The following UBE2E2 variants were observed in gnomAD, a reference collection of about 807,000 sequenced individuals.
The protein encoded by UBE2E2 is ubiquitin conjugating enzyme E2 E2, also known as ubiquitin-conjugating enzyme E2 E2.
A neutral mutation model predicts 24.7 loss-of-function variants in UBE2E2; 6 were observed. The ratio of observed to expected loss-of-function variants is 0.24; its 90% CI spans 0.13 to 0.48. UBE2E2 has a LOEUF of 0.48. Among genes scored for constraint, UBE2E2 ranks in the 20% least tolerant of loss-of-function variants. UBE2E2 has a pLI of 0.99. For missense variants in UBE2E2, 169 were observed against 245.0 expected (o/e 0.69, Z 2.07); for synonymous variants, 104 against 83.6 (o/e 1.24, Z -1.33).
At chr3:23,203,126 G>A (rs922717948), upstream of UBE2E2, 12 of 983,180 alleles carry the variant, frequency 1.2e-5, no homozygotes, top group African/African-American at 2.1e-4. Flanking sequence ...GCGCGCGGAC[G>A]GCCGGGCGGC....
chr3:23,561,544 T>G (rs950867077), intron 5 of UBE2E2, among the ~76,000 whole-genome samples: 8 of 152,138 alleles, frequency 5.3e-5, no homozygotes, highest in Admixed American at 3.9e-4. Context: ...AGGATTGACT[T>G]GGCAATGCGG....
At chr3:23,296,721 A>G (rs963102862) in intron 3 of UBE2E2, among the ~76,000 whole-genome samples, 9 of 152,118 alleles carry the variant, frequency 5.9e-5, no homozygotes, top group African/African-American at 1.7e-4. Context: ...TTGGACATTT[A>G]GGTTGGTTCC....
chr3:23,386,215 G>A (rs941987597), intron 3 of UBE2E2, among the ~76,000 whole-genome samples: 2 of 152,168 alleles, frequency 1.3e-5, no homozygotes, highest in African/African-American at 2.4e-5. Flanking sequence ...TGGAGGCTGG[G>A]AAGTCCAAGA....
At chr3:23,216,018 G>T (rs1696466591) in intron 2 of UBE2E2, among the ~76,000 whole-genome samples, 1 of 152,144 alleles carries the variant, frequency 6.6e-6, no homozygotes, top group Non-Finnish European at 1.5e-5. Flanking sequence ...CACGGAGTTT[G>T]TTCTAGTTAA....
chr3:23,544,395 G>C (rs1695467845), intron 5 of UBE2E2, among the ~76,000 whole-genome samples: 1 of 152,140 alleles, frequency 6.6e-6, no homozygotes, highest in Admixed American at 6.6e-5. Context: ...CAAATGACAT[G>C]AATAGACATT....
chr3:23,565,179 C>T (rs1696039342), intron 5 of UBE2E2, among the ~76,000 whole-genome samples: 1 of 151,990 alleles, frequency 6.6e-6, no homozygotes, highest in Non-Finnish European at 1.5e-5. Context: ...AATGTGCATC[C>T]CTCTGGGAGA....
intron 1 of UBE2E2, among the ~76,000 whole-genome samples, chr3:23,205,370 G>T (rs531434393): frequency 1.3e-5 from 2 of 152,148 alleles, no homozygotes; most frequent in Non-Finnish European, 2.9e-5. Context: ...AGAAGATAAT[G>T]TTTAAAGGAT....
chr3:23,490,355 G>T (rs1180222359), intron 3 of UBE2E2, among the ~76,000 whole-genome samples: 1 of 152,150 alleles, frequency 6.6e-6, no homozygotes, highest in Non-Finnish European at 1.5e-5. Flanking sequence ...TGTTGATTCC[G>T]TGGTTGGTCT....
intron 3 of UBE2E2, among the ~76,000 whole-genome samples, chr3:23,396,872 CAG>C (rs1056186966): frequency 5.3e-5 from 8 of 152,092 alleles, no homozygotes; most frequent in African/African-American, 9.7e-5. Flanking sequence ...TTATGCAGGA[CAG>C]GGGGGATGTG....
At chr3:23,247,926 A>G (rs1277876816) in intron 3 of UBE2E2, among the ~76,000 whole-genome samples, 1 of 152,214 alleles carries the variant, frequency 6.6e-6, no homozygotes, top group African/African-American at 2.4e-5. Flanking sequence ...CTGAGTTATA[A>G]AAGTCTTTAG....
chr3:23,344,727 C>G (rs1430181884), intron 3 of UBE2E2, among the ~76,000 whole-genome samples: 1 of 151,302 alleles, frequency 6.6e-6, no homozygotes, highest in Non-Finnish European at 1.5e-5. Context: ...CATACACACA[C>G]TAAGTGAGGT....
intron 3 of UBE2E2, among the ~76,000 whole-genome samples, chr3:23,224,049 C>G (rs924795773): frequency 2.0e-5 from 3 of 151,170 alleles, no homozygotes; most frequent in African/African-American, 7.3e-5. Flanking sequence ...ATTACTATAG[C>G]TTTGTAATAA....
chr3:23,329,725 T>C (rs1304195634), intron 3 of UBE2E2, among the ~76,000 whole-genome samples: 1 of 152,254 alleles, frequency 6.6e-6, no homozygotes, highest in Non-Finnish European at 1.5e-5. Flanking sequence ...TGTAGTCTTA[T>C]CTGCAAATTC....
chr3:23,450,821 G>T lies in UBE2E2; in HGVS notation c.228-48787G>T, dbSNP rs146213014. On this transcript the variant is annotated intron_variant, in intron 3 of 5. Coordinates refer to ENST00000396703, the MANE Select transcript of UBE2E2 (RefSeq NM_152653.4). ...ATATAAAACACCTTACATTAGTATA[G>T]TATGTGCAGTGCTATTACTAAAACA... 1.6e-4 allele frequency among the ~76,000 whole-genome samples: 25 copies of T among 152,120 alleles called. No homozygotes were observed. The East Asian group carries it at 4.4e-3, about 27-fold the overall frequency.
At chr3:23,409,224 C>T (rs1697442036) in intron 3 of UBE2E2, among the ~76,000 whole-genome samples, 1 of 152,102 alleles carries the variant, frequency 6.6e-6, no homozygotes, top group African/African-American at 2.4e-5. Context: ...AAATTCAACA[C>T]AACATCACTA....
At chr3:23,488,427 G>A (rs1026649931) in intron 3 of UBE2E2, among the ~76,000 whole-genome samples, 6 of 151,974 alleles carry the variant, frequency 3.9e-5, no homozygotes, top group Non-Finnish European at 7.4e-5. Context: ...TGTTCTCATC[G>A]TTCAACTCCC....
intron 3 of UBE2E2, among the ~76,000 whole-genome samples, chr3:23,472,034 C>CA (rs1317399423): frequency 1.3e-5 from 2 of 151,146 alleles, no homozygotes; most frequent in African/African-American, 2.4e-5. Flanking sequence ...AAACATGCCC[C>CA]AAAAAATCCA....
chr3:23,436,793 T>C (rs1464789798), intron 3 of UBE2E2, among the ~76,000 whole-genome samples: 2 of 152,238 alleles, frequency 1.3e-5, no homozygotes, highest in Non-Finnish European at 2.9e-5. Flanking sequence ...AATGCCTCTC[T>C]GTCTCTCCAT....
At chr3:23,497,450 A>G (rs961946719) in intron 3 of UBE2E2, among the ~76,000 whole-genome samples, 1 of 152,272 alleles carries the variant, frequency 6.6e-6, no homozygotes, top group Non-Finnish European at 1.5e-5. Flanking sequence ...GTTCATTGCA[A>G]TAGCAACAGG....
Sources: gnomAD v4.1 joint callset for allele counts (sites outside exome capture counted in the v4.1 genomes callset) on GRCh38, gnomAD v4.1.1 for gene constraint, MANE v1.5 for transcripts, NCBI Gene and HGNC (gene_info 2026-07-23, HGNC 2026-07-21) for gene names.